Variants in TMEM164 observed in about 807,000 individuals in gnomAD.
TMEM164 encodes RP13-360B22.2.
TMEM164 carries 4 observed loss-of-function variants against 18.8 expected under a neutral mutation model. The observed-to-expected ratio is 0.21, with a 90% CI of 0.10 to 0.49. The LOEUF (loss-of-function observed/expected upper bound fraction) is 0.49. Ranked by LOEUF, TMEM164 falls within the 20% of genes least tolerant of loss-of-function variation. The pLI is 0.98. For missense variants in TMEM164, 108 were observed against 239.9 expected, an observed-to-expected ratio of 0.45 and a Z score of 3.63; for synonymous variants, 86 against 101.7, an observed-to-expected ratio of 0.85 and a Z score of 0.93.
rs746752380 is a variant in TMEM164, at chrX:110,153,106, C to T, written c.586+8230C>T. 6.3e-5 allele frequency among the ~76,000 whole-genome samples: 7 copies of T among 111,805 alleles called. No individual in the cohort carries two copies. The East Asian group carries it at 1.4e-3, about 22-fold the overall frequency. On this transcript the variant is annotated intron_variant, in intron 5 of 6. Coordinates refer to ENST00000372068, the MANE Select transcript of TMEM164 (RefSeq NM_032227.4). ...TGATTTCTGCCAGGAATGCTCTTCT[C>T]CAGCTGTGGGCCTAGAAACATTCAT...
intron 4 of TMEM164, among the ~76,000 whole-genome samples, chrX:110,110,751 G>T (rs1311027947): frequency 8.9e-6 from 1 of 112,308 alleles, no homozygotes; most frequent in East Asian, 2.8e-4. Flanking sequence ...GCCAATGCAG[G>T]GGTCCTTAGA....
chrX:110,079,352 C>T (rs1192731813), intron 3 of TMEM164, among the ~76,000 whole-genome samples: 1 of 111,955 alleles, frequency 8.9e-6, no homozygotes, highest in Non-Finnish European at 1.9e-5. Context: ...AAAAAATCAA[C>T]AAGCAAAATG....
intron 4 of TMEM164, among the ~76,000 whole-genome samples, chrX:110,119,440 AGGAAG>A (rs1385296962): frequency 4.5e-5 from 5 of 111,549 alleles, no homozygotes; most frequent in Non-Finnish European, 9.4e-5. Flanking sequence ...AAAGAAAGTA[AGGAAG>A]GGAGGGGAGG....
intron 3 of TMEM164, among the ~76,000 whole-genome samples, chrX:110,095,738 G>A (rs1338264321): frequency 8.9e-6 from 1 of 112,527 alleles, no homozygotes; most frequent in African/African-American, 3.2e-5. Flanking sequence ...GAGGAGCTAT[G>A]TTCCTTTGGA....
At chrX:110,073,884 T>A (rs147588076) in intron 3 of TMEM164, among the ~76,000 whole-genome samples, 171 of 111,007 alleles carry the variant, frequency 1.5e-3, no homozygotes, top group African/African-American at 5.3e-3. Context: ...TTTGTTGTTG[T>A]TGTTGTTCTT....
intron 5 of TMEM164, among the ~76,000 whole-genome samples, chrX:110,157,462 CTTTTCACCTCCTTTTCCCTTTCTCTCT>C (rs1280357478): frequency 9.0e-6 from 1 of 111,517 alleles, no homozygotes; most frequent in Non-Finnish European, 1.9e-5. Context: ...CCTTTCTCTC[CTTTTCACCTCCTTTTCCCTTTCTCTCT>C]GCCCCAGGGC....
intron 2 of TMEM164, among the ~76,000 whole-genome samples, chrX:110,036,589 C>T (rs200215016): frequency 3.6e-5 from 4 of 112,069 alleles, no homozygotes; most frequent in East Asian, 2.8e-4. Context: ...TCAAAATATT[C>T]GATGTTGCAA....
chrX:110,027,290 G>A (rs1357732185), intron 2 of TMEM164, among the ~76,000 whole-genome samples: 2 of 111,824 alleles, frequency 1.8e-5, no homozygotes, highest in Non-Finnish European at 3.8e-5. Flanking sequence ...CTTCTGTTGA[G>A]ATGATCATAT....
intron 4 of TMEM164, among the ~76,000 whole-genome samples, chrX:110,121,488 G>C (rs2066448930): frequency 8.9e-6 from 1 of 112,297 alleles, no homozygotes; most frequent in South Asian, 3.6e-4. Flanking sequence ...TCACTCAGCA[G>C]AATGTTTTCA....
intron 2 of TMEM164, among the ~76,000 whole-genome samples, chrX:110,041,658 A>G (rs1457515109): frequency 8.9e-6 from 1 of 112,145 alleles, no homozygotes; most frequent in African/African-American, 3.2e-5. Context: ...CAGTTTCCCT[A>G]ATGAAATATT....
intron 5 of TMEM164, among the ~76,000 whole-genome samples, chrX:110,151,281 A>G (rs1031937678): frequency 1.8e-5 from 2 of 111,677 alleles, no homozygotes; most frequent in African/African-American, 6.5e-5. Context: ...CAGTATATGC[A>G]TTTGTATTTT....
At chrX:110,178,390 G>C (rs766120945), downstream of TMEM164, among the ~76,000 whole-genome samples, 13 of 112,279 alleles carry the variant, frequency 1.2e-4, no homozygotes, top group South Asian at 4.8e-3. Flanking sequence ...AGGAAGAAAG[G>C]GGGCCAGATA....
intron 4 of TMEM164, among the ~76,000 whole-genome samples, chrX:110,130,900 A>G (rs188411576): frequency 1.3e-3 from 150 of 111,985 alleles, no homozygotes; most frequent in African/African-American, 4.6e-3. Context: ...GAGAAGAAAT[A>G]GAGAATTGGA....
At chrX:110,091,984 G>A (rs1234304145) in intron 3 of TMEM164, among the ~76,000 whole-genome samples, 4 of 111,903 alleles carry the variant, frequency 3.6e-5, no homozygotes, top group Non-Finnish European at 7.5e-5. Context: ...CCCATTTCTT[G>A]TTTTTGTCAG....
At chrX:110,144,953 T>C in intron 5 of TMEM164, 77 bp downstream of exon 5, 1 of 782,850 alleles carries the variant, frequency 1.3e-6, no homozygotes, top group Non-Finnish European at 1.9e-6. Flanking sequence ...TCACAGCCTC[T>C]TGGGTGCTTC....
chrX:110,017,479 C>T (rs1400223254), intron 2 of TMEM164, among the ~76,000 whole-genome samples: 99 of 9,609 alleles, frequency 0.01, no homozygotes, highest in South Asian at 0.018. Context: ...TCCTTCCCTC[C>T]CTCCCTCCCT....
chrX:110,170,044 C>T (rs1051602228), intron 5 of TMEM164, among the ~76,000 whole-genome samples: 6 of 111,995 alleles, frequency 5.4e-5, no homozygotes, highest in Middle Eastern at 8.4e-3. Context: ...ACCAGCCCTG[C>T]GAACCTCTGA....
At chrX:110,106,098 G>A (rs2066196977) in intron 3 of TMEM164, among the ~76,000 whole-genome samples, 1 of 112,109 alleles carries the variant, frequency 8.9e-6, no homozygotes, top group African/African-American at 3.2e-5. Flanking sequence ...AATATGCAAG[G>A]CTTCTTTATG....
intron 3 of TMEM164, among the ~76,000 whole-genome samples, chrX:110,097,307 T>C (rs972373396): frequency 2.7e-5 from 3 of 112,197 alleles, no homozygotes; most frequent in Admixed American, 1.9e-4. Context: ...TCACAGAAAG[T>C]AAATCTTAGT....
Sources: allele counts gnomAD v4.1 joint callset (sites outside exome capture counted in the v4.1 genomes callset), GRCh38; gene constraint gnomAD v4.1.1; transcripts MANE v1.5; gene names NCBI Gene and HGNC (gene_info 2026-07-23, HGNC 2026-07-21).